UNC5D: variants seen among roughly 807,000 people sequenced by gnomAD.
UNC5D encodes unc-5 netrin receptor D, also known as netrin receptor UNC5D.
UNC5D carries 39 observed loss-of-function variants against 105.4 expected under a neutral mutation model. That is an observed-to-expected ratio of 0.37 (90% CI 0.29 to 0.48). The LOEUF is 0.48. Among genes scored for constraint, UNC5D ranks in the 20% least tolerant of loss-of-function variants. The pLI is 0.98. For missense variants in UNC5D, 991 were observed against 1,202.4 expected (o/e 0.82, Z 2.60); for synonymous variants, 452 against 450.4 (o/e 1.00, Z -0.04).
intron 1 of UNC5D, among the ~76,000 whole-genome samples, chr8:35,330,044 C>A (rs1470580109): frequency 1.3e-5 from 2 of 152,128 alleles, no homozygotes; most frequent in Non-Finnish European, 2.9e-5. Flanking sequence ...AAGGAGAAAA[C>A]TAAATAATAA....
chr8:35,561,674 T>C (rs1268460548), intron 2 of UNC5D, among the ~76,000 whole-genome samples: 1 of 152,132 alleles, frequency 6.6e-6, no homozygotes, highest in East Asian at 1.9e-4. Flanking sequence ...CTGAAAAAAA[T>C]CATAGCTTAG....
At chr8:35,434,220 C>T (rs891951529) in intron 1 of UNC5D, among the ~76,000 whole-genome samples, 4 of 151,894 alleles carry the variant, frequency 2.6e-5, no homozygotes, top group African/African-American at 7.3e-5. Flanking sequence ...GTGGATTTTA[C>T]GTATCAGCTC....
At chr8:35,359,280 C>T (rs1801730565) in intron 1 of UNC5D, among the ~76,000 whole-genome samples, 2 of 152,294 alleles carry the variant, frequency 1.3e-5, no homozygotes, top group East Asian at 1.9e-4. Context: ...CCAGTGTGAC[C>T]GTGTGGCTTC....
intron 16 of UNC5D, among the ~76,000 whole-genome samples, chr8:35,790,022 G>T (rs540465034): frequency 6.6e-6 from 1 of 152,222 alleles, no homozygotes; most frequent in Non-Finnish European, 1.5e-5. Flanking sequence ...GCTGAGGCAA[G>T]AGGATCACTT....
chr8:35,732,271 G>T (rs1829231265), intron 11 of UNC5D, among the ~76,000 whole-genome samples: 1 of 152,142 alleles, frequency 6.6e-6, no homozygotes, highest in African/African-American at 2.4e-5. Flanking sequence ...TGCTGTACAG[G>T]GCTCGAGAGG....
intron 1 of UNC5D, among the ~76,000 whole-genome samples, chr8:35,337,739 T>C (rs1185374193): frequency 6.6e-6 from 1 of 151,850 alleles, no homozygotes; most frequent in East Asian, 1.9e-4. Context: ...ATAGACTGAC[T>C]CTATTTCTTT....
At chr8:35,523,028 C>T (rs1365304468) in intron 1 of UNC5D, among the ~76,000 whole-genome samples, 1 of 151,078 alleles carries the variant, frequency 6.6e-6, no homozygotes, top group Non-Finnish European at 1.5e-5. Flanking sequence ...CTTTCTTCAA[C>T]TGTGTGATTT....
chr8:35,669,553 C>T (rs1824638411), intron 4 of UNC5D, among the ~76,000 whole-genome samples: 1 of 152,030 alleles, frequency 6.6e-6, no homozygotes, highest in South Asian at 2.1e-4. Context: ...TTACTGTATA[C>T]ACATTATAAA....
At chr8:35,773,082 T>C (rs1161484853) in intron 15 of UNC5D, among the ~76,000 whole-genome samples, 1 of 152,132 alleles carries the variant, frequency 6.6e-6, no homozygotes, top group East Asian at 1.9e-4. Flanking sequence ...CTTAATTGAG[T>C]CAGTCAATTG....
chr8:35,507,099 A>G (rs549702533), intron 1 of UNC5D, among the ~76,000 whole-genome samples: 2,515 of 113,042 alleles, frequency 0.022, 89 homozygotes, highest in African/African-American at 0.084. Context: ...TCTGTCGCCC[A>G]GGCTGGAGTG....
chr8:35,297,384 G>A (rs1291840305), intron 1 of UNC5D, among the ~76,000 whole-genome samples: 4 of 152,108 alleles, frequency 2.6e-5, no homozygotes, highest in Non-Finnish European at 5.9e-5. Flanking sequence ...TTGAGTAGAA[G>A]GGTGAAGAGG....
chr8:35,410,393 T>C (rs576656224), intron 1 of UNC5D, among the ~76,000 whole-genome samples: 1 of 152,138 alleles, frequency 6.6e-6, no homozygotes, highest in South Asian at 2.1e-4. Flanking sequence ...AGCAGTACCA[T>C]GGAAGGGTTT....
At chr8:35,287,485 C>T (rs927681684) in intron 1 of UNC5D, among the ~76,000 whole-genome samples, 8 of 151,806 alleles carry the variant, frequency 5.3e-5, no homozygotes, top group African/African-American at 9.7e-5. Flanking sequence ...TAACTGAACC[C>T]TAAAAGTCAA....
chr8:35,253,680 G>T (rs1803875881), intron 1 of UNC5D, among the ~76,000 whole-genome samples: 1 of 151,630 alleles, frequency 6.6e-6, no homozygotes, highest in Admixed American at 6.6e-5. Context: ...TAGTAGAGAT[G>T]GGGTTCCACC....
chr8:35,482,924 C>G (rs1003575023), intron 1 of UNC5D, among the ~76,000 whole-genome samples: 1 of 150,008 alleles, frequency 6.7e-6, no homozygotes, highest in Admixed American at 6.7e-5. Context: ...TGCCGTGGCC[C>G]CCCGAGTAGC....
At chr8:35,385,936 G>A (rs1243060231) in intron 1 of UNC5D, among the ~76,000 whole-genome samples, 1 of 152,108 alleles carries the variant, frequency 6.6e-6, no homozygotes, top group East Asian at 1.9e-4. Flanking sequence ...CTATTTTGTT[G>A]TAGTAGATTG....
chr8:35,351,764 G>A (rs559718109), intron 1 of UNC5D, among the ~76,000 whole-genome samples: 2 of 152,082 alleles, frequency 1.3e-5, no homozygotes, highest in South Asian at 2.1e-4. Context: ...TATGATAAGG[G>A]TTTAATTTTA....
intron 1 of UNC5D, among the ~76,000 whole-genome samples, chr8:35,398,768 A>G (rs1323516260): frequency 6.6e-6 from 1 of 152,126 alleles, no homozygotes; most frequent in Non-Finnish European, 1.5e-5. Flanking sequence ...TTTGTTAGTG[A>G]TTTGGACACA....
chr8:35,336,052 C>T (rs1239903887), intron 1 of UNC5D, among the ~76,000 whole-genome samples: 2 of 151,920 alleles, frequency 1.3e-5, no homozygotes, highest in African/African-American at 4.8e-5. Flanking sequence ...CGTGAACCAC[C>T]GCGCCCGGCC....
Sources: allele counts gnomAD v4.1 joint callset (sites outside exome capture counted in the v4.1 genomes callset), GRCh38; gene constraint gnomAD v4.1.1; transcripts MANE v1.5; gene names NCBI Gene and HGNC (gene_info 2026-07-23, HGNC 2026-07-21).